The following TLK1 variants were observed in gnomAD, a reference collection of about 807,000 sequenced individuals.
The protein encoded by TLK1 is tousled like kinase 1.
TLK1 carries 24 observed loss-of-function variants against 105.3 expected under a neutral mutation model. The ratio of observed to expected loss-of-function variants is 0.23; its 90% confidence interval spans 0.17 to 0.32. The LOEUF is 0.32. Among genes scored for constraint, TLK1 ranks in the 10% least tolerant of loss-of-function variants. TLK1 has a pLI of 1.00. For missense variants in TLK1, 558 were observed against 910.5 expected (o/e 0.61, Z 4.98); for synonymous variants, 321 against 310.4 (o/e 1.03, Z -0.36).
chr2:171,006,132 TAGTAATACACTTACC>T lies in TLK1; in HGVS notation c.1904_1904+14del. ...ACCAATCTAGACATTCTGATGTTTT[TAGTAATACACTTACC>T]AGTAAGTGCCTGCCCCCTGGGAAGT... On this transcript the variant is annotated splice_donor_variant and splice_donor_5th_base_variant and coding_sequence_variant and intron_variant, in exon 18 of 21. Coordinates refer to ENST00000431350, the MANE Select transcript of TLK1 (RefSeq NM_012290.5). LOFTEE classifies it high-confidence loss of function. 6.5e-7 allele frequency: 1 copy of T among 1,542,106 alleles called. No individual in the cohort carries two copies. The highest frequency in any genetic ancestry group is 8.7e-7 in the Non-Finnish European group (1 of 1,150,116).
intron 18 of TLK1, among the ~76,000 whole-genome samples, chr2:170,998,193 C>G (rs3770434): frequency 6.6e-6 from 1 of 152,272 alleles, no homozygotes; most frequent in East Asian, 1.9e-4. Context: ...AAGAAACCCT[C>G]TCCCATCCTC....
chr2:171,214,371 C>T (rs146774055), intron 1 of TLK1, among the ~76,000 whole-genome samples: 370 of 152,266 alleles, frequency 2.4e-3, no homozygotes, highest in Non-Finnish European at 4.3e-3. Context: ...CTGTCTTTAT[C>T]CTAATGGGAC....
intron 1 of TLK1, among the ~76,000 whole-genome samples, chr2:171,144,462 G>GAT (rs1691713714): frequency 6.6e-6 from 1 of 151,980 alleles, no homozygotes; most frequent in Non-Finnish European, 1.5e-5. Flanking sequence ...GGATAAAAAG[G>GAT]ATACAAAGTA....
At chr2:171,176,183 G>A (rs902662655) in intron 1 of TLK1, among the ~76,000 whole-genome samples, 2 of 152,018 alleles carry the variant, frequency 1.3e-5, no homozygotes, top group Non-Finnish European at 2.9e-5. Context: ...CAGGTGATCC[G>A]GCCGCCTCAG....
chr2:170,993,824 T>G lies in TLK1; in HGVS notation c.2257A>C (p.Thr753Pro). The change falls in exon 21 of 21, where the codon ACA (threonine) becomes CCA (proline). Residue 753 changes from threonine (T) to proline (P), a missense_variant. Physicochemically the swap from Thr to Pro is conservative, Grantham distance 38 (BLOSUM62 -1). Coordinates refer to ENST00000431350, the MANE Select transcript of TLK1 (RefSeq NM_012290.5). Reference protein sequence around the residue: ...SSGNLHMAGLTASPTPPSSSI... With the variant: ...SSGNLHMAGLPASPTPPSSSI... Reference sequence around the variant, plus strand: ...GAAGAAGGGGGTGTAGGGGATGCTGTCAGCCCAGCCATGTGTAGGTTTCCT... The same window carrying G: ...GAAGAAGGGGGTGTAGGGGATGCTGGCAGCCCAGCCATGTGTAGGTTTCCT... The G allele has an allele frequency of 1.9e-6, 3 of 1,611,306 alleles. No individual in the cohort carries two copies. In the South Asian group the frequency reaches 3.3e-5, roughly 18 times the overall value.
intron 11 of TLK1, among the ~76,000 whole-genome samples, chr2:171,038,246 G>GT (rs1159338882): frequency 6.6e-6 from 1 of 151,884 alleles, no homozygotes; most frequent in Non-Finnish European, 1.5e-5. Context: ...ATTGTATCAG[G>GT]TTTTTTCCCC....
At chr2:171,208,338 T>G (rs62169017) in intron 1 of TLK1, among the ~76,000 whole-genome samples, 10,078 of 131,788 alleles carry the variant, frequency 0.076, 426 homozygotes, top group Middle Eastern at 0.12. Context: ...CAAATTAAAT[T>G]TGTAATTAAA....
chr2:171,111,091 A>T (rs914355590), intron 2 of TLK1, among the ~76,000 whole-genome samples: 4 of 152,236 alleles, frequency 2.6e-5, no homozygotes, highest in African/African-American at 9.6e-5. Context: ...AAAAAATTAA[A>T]ACAAAAATTT....
At chr2:171,137,535 C>T (rs1441756636) in intron 1 of TLK1, among the ~76,000 whole-genome samples, 5 of 151,954 alleles carry the variant, frequency 3.3e-5, no homozygotes, top group African/African-American at 7.3e-5. Flanking sequence ...CTTTAGTATC[C>T]GGAATAAGCC....
chr2:171,045,034 G>T (rs1003067088), intron 11 of TLK1, among the ~76,000 whole-genome samples: 5 of 151,946 alleles, frequency 3.3e-5, no homozygotes, highest in Non-Finnish European at 7.4e-5. Flanking sequence ...TTGTAATTGA[G>T]GGAGAGTTTT....
Position 171,160,552 on chromosome 2 carries a change from G to T in TLK1, c.-124C>A. 1 of 1,520,554 alleles carries T rather than the reference G, an allele frequency of 6.6e-7. No individual in the cohort carries two copies. The highest frequency in any genetic ancestry group is 1.2e-5 in the South Asian group (1 of 82,880). 94.2% of individuals were successfully genotyped at this position (1,520,554 alleles called of 1,614,324 possible). A position where few individuals can be genotyped will look rare whatever the true frequency, so the allele number is the denominator to read the frequency against. On this transcript the variant is annotated 5_prime_UTR_variant, in exon 1 of 21. Coordinates refer to ENST00000431350, the MANE Select transcript of TLK1 (RefSeq NM_012290.5). This position sits in a 1 kb window ranked among gnomAD's most constrained non-coding sequence, Gnocchi z 4.4. ...GAGCGAGAGAGCGAGGGCTGGGAGG[G>T]GAGAGTCAAGGGGATGGGGGAGGAA...
At chr2:171,053,924 T>C (rs1275116591) in intron 7 of TLK1, 71 bp from the exon 8 acceptor site, 2 of 1,148,684 alleles carry the variant, frequency 1.7e-6, no homozygotes, top group Non-Finnish European at 1.2e-6. Flanking sequence ...AACTAGATTT[T>C]ACTCCAAATT....
intron 1 of TLK1, among the ~76,000 whole-genome samples, chr2:171,195,642 A>G (rs191698639): frequency 3.3e-5 from 5 of 152,212 alleles, no homozygotes; most frequent in Admixed American, 1.3e-4. Flanking sequence ...AATCATCAAC[A>G]CTGTTCATTT....
chr2:171,015,155 C>G (rs1190426210), intron 12 of TLK1, among the ~76,000 whole-genome samples: 1 of 152,018 alleles, frequency 6.6e-6, no homozygotes, highest in Non-Finnish European at 1.5e-5. Context: ...CCATCCTCCA[C>G]ATGAAAATCT....
chr2:171,222,879 A>G (rs1191934114), intron 1 of TLK1, among the ~76,000 whole-genome samples: 1 of 151,988 alleles, frequency 6.6e-6, no homozygotes, highest in African/African-American at 2.4e-5. Flanking sequence ...TGGTGGTGCA[A>G]TCTCGGCTCA....
intron 2 of TLK1, among the ~76,000 whole-genome samples, chr2:171,114,491 G>C (rs931581439): frequency 5.9e-5 from 9 of 152,270 alleles, no homozygotes; most frequent in Admixed American, 4.6e-4. Flanking sequence ...GCTGTTGCTG[G>C]CTTTGAAACT....
At chr2:171,043,028 A>C (rs1174518039) in intron 11 of TLK1, among the ~76,000 whole-genome samples, 1 of 152,194 alleles carries the variant, frequency 6.6e-6, no homozygotes, top group Non-Finnish European at 1.5e-5. Flanking sequence ...AGGTTAAAAA[A>C]AAAACCAAGG....
At chr2:171,148,922 TGTGTGC>T (rs1272085333) in intron 1 of TLK1, among the ~76,000 whole-genome samples, 55 of 147,288 alleles carry the variant, frequency 3.7e-4, no homozygotes, top group South Asian at 1.9e-3. Context: ...TGTGTGTGTG[TGTGTGC>T]GTGTGCGTGT....
At position 170,993,093 on chromosome 2, in the gene TLK1, T is replaced by C. The variant is rs1683854539; in HGVS notation, c.*687A>G. ...TGATTTCAACACAAGCAGCTCATTTTGTCAAAGGTGTAAAGTATTTAGAAA... is the reference window on the plus strand; with the variant it reads ...TGATTTCAACACAAGCAGCTCATTTCGTCAAAGGTGTAAAGTATTTAGAAA... On this transcript the variant is annotated 3_prime_UTR_variant, in exon 21 of 21. Coordinates refer to ENST00000431350, the MANE Select transcript of TLK1 (RefSeq NM_012290.5). 6.6e-6 allele frequency: 1 copy of C among 152,656 alleles called. No individual in the cohort carries two copies. Among genetic ancestry groups the C allele is most frequent in the Non-Finnish European group, 1.5e-5 (1 of 68,038 alleles). The allele number at this position is 152,656 out of a possible 1,614,324, so 9.5% of individuals were successfully genotyped here.
Sources: gnomAD v4.1 joint callset for allele counts (sites outside exome capture counted in the v4.1 genomes callset) on GRCh38, gnomAD v4.1.1 for gene constraint, Gnocchi (gnomAD v3.1) non-coding constraint, MANE v1.5 for transcripts, NCBI Gene and HGNC (gene_info 2026-07-23, HGNC 2026-07-21) for gene names.